COMMD1: variants seen among roughly 807,000 people sequenced by gnomAD.
The protein encoded by COMMD1 is copper metabolism domain containing 1.
Under a neutral mutation model 17.2 loss-of-function variants are expected in COMMD1, and 10 were observed. That is an observed-to-expected ratio of 0.58 (90% CI 0.36 to 0.99). The LOEUF (loss-of-function observed/expected upper bound fraction) is 0.99. Among genes scored for constraint, COMMD1 ranks in the 50% least tolerant of loss-of-function variants. The pLI is 0.01. For synonymous variants in COMMD1, 97 were observed against 91.6 expected (o/e 1.06, Z -0.34); for missense variants, 270 against 231.8 (o/e 1.17, Z -1.07).
At chr2:62,131,526 C>T (rs1040586787) in intron 2 of COMMD1, among the ~76,000 whole-genome samples, 11 of 151,992 alleles carry the variant, frequency 7.2e-5, no homozygotes, top group East Asian at 3.9e-4. Context: ...TTTCTTTTTC[C>T]TTTTCCTTTC....
chr2:61,893,901 T>C (rs1409925598), intron 1 of COMMD1, among the ~76,000 whole-genome samples: 1 of 151,646 alleles, frequency 6.6e-6, no homozygotes, highest in East Asian at 1.9e-4. Context: ...TGGGGCACAA[T>C]ACAAAAAGTA....
At chr2:61,958,306 G>A in intron 1 of COMMD1, among the ~76,000 whole-genome samples, 1 of 141,036 alleles carries the variant, frequency 7.1e-6, no homozygotes, top group Non-Finnish European at 1.5e-5. Flanking sequence ...TGCTCTTGTT[G>A]CCCAGGCTGG....
chr2:62,111,467 A>G (rs953198573), intron 2 of COMMD1, among the ~76,000 whole-genome samples: 13 of 152,110 alleles, frequency 8.5e-5, no homozygotes, highest in Admixed American at 3.3e-4. Context: ...TGAGGGGGGA[A>G]GCCCAGCAAG....
At chr2:62,060,652 G>C (rs1485541498) in intron 2 of COMMD1, among the ~76,000 whole-genome samples, 1 of 152,080 alleles carries the variant, frequency 6.6e-6, no homozygotes, top group African/African-American at 2.4e-5. Context: ...AGCATTTCTT[G>C]TTGTGCAGGT....
chr2:61,989,805 C>G (rs1451855479), intron 1 of COMMD1, among the ~76,000 whole-genome samples: 1 of 152,158 alleles, frequency 6.6e-6, no homozygotes, highest in African/African-American at 2.4e-5. Flanking sequence ...TTTGCTTTCC[C>G]TTCAACATGT....
chr2:61,921,408 G>C (rs1670193886), intron 1 of COMMD1, among the ~76,000 whole-genome samples: 1 of 152,106 alleles, frequency 6.6e-6, no homozygotes, highest in South Asian at 2.1e-4. Flanking sequence ...GTTGGTCATT[G>C]TTTCTGAGAA....
intron 1 of COMMD1, among the ~76,000 whole-genome samples, chr2:61,952,873 A>G (rs940541189): frequency 2.2e-4 from 33 of 152,334 alleles, no homozygotes; most frequent in African/African-American, 7.7e-4. Context: ...AACATAATGG[A>G]AAGTGTATGT....
intron 1 of COMMD1, among the ~76,000 whole-genome samples, chr2:61,917,780 C>T (rs1036115344): frequency 5.3e-5 from 8 of 152,238 alleles, no homozygotes; most frequent in African/African-American, 1.9e-4. Flanking sequence ...ATCCGCCCGC[C>T]TTGGCTTCCC....
intron 2 of COMMD1, among the ~76,000 whole-genome samples, chr2:62,077,364 A>G (rs945215113): frequency 6.6e-6 from 1 of 152,360 alleles, no homozygotes; most frequent in Non-Finnish European, 1.5e-5. Flanking sequence ...GGTTAACCAC[A>G]TTAGTTGCCT....
At chr2:61,952,974 T>G (rs1419959251) in intron 1 of COMMD1, among the ~76,000 whole-genome samples, 1 of 152,216 alleles carries the variant, frequency 6.6e-6, no homozygotes, top group African/African-American at 2.4e-5. Context: ...TAGTTTCAGT[T>G]CTTTGACCTC....
intron 1 of COMMD1, among the ~76,000 whole-genome samples, chr2:61,894,532 G>T (rs1255487675): frequency 6.6e-6 from 1 of 151,750 alleles, no homozygotes; most frequent in Non-Finnish European, 1.5e-5. Context: ...TCTTGTATTT[G>T]TTAATGTGAA....
At chr2:61,944,773 G>A (rs1486072023) in intron 1 of COMMD1, among the ~76,000 whole-genome samples, 5 of 152,182 alleles carry the variant, frequency 3.3e-5, no homozygotes, top group Admixed American at 6.5e-5. Context: ...ATCCCAAACA[G>A]TGGCAAGTGG....
chr2:61,915,378 T>C (rs755857930), intron 1 of COMMD1, among the ~76,000 whole-genome samples: 3 of 152,188 alleles, frequency 2.0e-5, no homozygotes, highest in African/African-American at 4.8e-5. Flanking sequence ...CCTCCTAGAC[T>C]GATTATTCTA....
intron 2 of COMMD1, among the ~76,000 whole-genome samples, chr2:62,135,100 C>T (rs972727609): frequency 3.3e-5 from 5 of 152,154 alleles, no homozygotes; most frequent in African/African-American, 4.8e-5. Flanking sequence ...GTATGGACTT[C>T]GGCGTCATCC....
Position 62,099,915 on chromosome 2 carries a change from T to A in COMMD1, c.463-35916T>A, listed in dbSNP as rs149707359. On this transcript the variant is annotated intron_variant, in intron 2 of 2. Coordinates refer to ENST00000311832, the MANE Select transcript of COMMD1 (RefSeq NM_152516.4). ...TCCAGCTGGGAGGAGCAAAATGCCCTTTCTCTTCAAAGCTGAGGAACTCAC... is the reference window on the plus strand; with the variant it reads ...TCCAGCTGGGAGGAGCAAAATGCCCATTCTCTTCAAAGCTGAGGAACTCAC... Among the ~76,000 whole-genome samples, 8 of 152,238 alleles carry A rather than the reference T, an allele frequency of 5.3e-5. No individual in the cohort carries two copies. In the East Asian group the frequency reaches 1.4e-3, roughly 26 times the overall value.
At chr2:61,922,310 GT>G (rs1209588934) in intron 1 of COMMD1, among the ~76,000 whole-genome samples, 2 of 152,228 alleles carry the variant, frequency 1.3e-5, no homozygotes, top group African/African-American at 4.8e-5. Context: ...GATTGTGGCA[GT>G]TTTTTTGTTT....
intron 1 of COMMD1, among the ~76,000 whole-genome samples, chr2:61,971,284 C>T (rs1223751793): frequency 7.9e-5 from 12 of 152,232 alleles, no homozygotes; most frequent in Non-Finnish European, 7.3e-5. Flanking sequence ...AGTCCTGCCC[C>T]TGCACCCTTT....
chr2:62,135,541 C>T (rs1056497408), intron 2 of COMMD1, among the ~76,000 whole-genome samples: 23 of 151,878 alleles, frequency 1.5e-4, no homozygotes, highest in Middle Eastern at 3.2e-3. Context: ...TTAGTAGAGA[C>T]GGGGTTTCAC....
At chr2:61,896,739 G>T (rs893193218) in intron 1 of COMMD1, among the ~76,000 whole-genome samples, 21 of 151,616 alleles carry the variant, frequency 1.4e-4, no homozygotes, top group African/African-American at 4.8e-4. Context: ...TGCATAAAGG[G>T]TACTCTGACT....
Sources: gnomAD v4.1 joint callset for allele counts (sites outside exome capture counted in the v4.1 genomes callset) on GRCh38, gnomAD v4.1.1 for gene constraint, MANE v1.5 for transcripts, NCBI Gene and HGNC (gene_info 2026-07-23, HGNC 2026-07-21) for gene names.